Variants in KDM4C observed in about 807,000 individuals in gnomAD.
KDM4C encodes the protein lysine demethylase 4C, also known as lysine-specific demethylase 4C.
In KDM4C, 81 loss-of-function variants were observed where a neutral mutation model predicts 129.3. That is an observed-to-expected ratio of 0.63 (90% CI 0.52 to 0.75). The LOEUF (loss-of-function observed/expected upper bound fraction) is 0.75, where lower values mean the gene tolerates loss of function less well. KDM4C is among the 30% of genes least tolerant of loss of function. The pLI is 0.00. For missense variants in KDM4C, 1,457 were observed against 1,304.0 expected (o/e 1.12, Z -1.81); for synonymous variants, 573 against 456.1 (o/e 1.26, Z -3.26).
chr9:6,730,626 AAAGT>A (rs1432681455), intron 1 of KDM4C, among the ~76,000 whole-genome samples: 2 of 151,924 alleles, frequency 1.3e-5, no homozygotes, highest in Non-Finnish European at 2.9e-5. Flanking sequence ...AAAAAAAAAA[AAAGT>A]AATAATAATA....
intron 17 of KDM4C, among the ~76,000 whole-genome samples, chr9:7,068,139 C>T (rs1198509999): frequency 6.6e-6 from 1 of 152,172 alleles, no homozygotes; most frequent in Admixed American, 6.5e-5. Context: ...TGGGAGGATG[C>T]AGCATTTTAC....
At chr9:6,839,656 C>G (rs1836548354) in intron 4 of KDM4C, among the ~76,000 whole-genome samples, 1 of 152,000 alleles carries the variant, frequency 6.6e-6, no homozygotes, top group Non-Finnish European at 1.5e-5. Flanking sequence ...CCTATAATCT[C>G]AGCACTTTTG....
chr9:6,805,739 T>C lies in KDM4C; in HGVS notation c.285T>C (p.Thr95=). The change falls in exon 3 of 22, where the codon ACT becomes ACC. Residue 95 remains threonine, a synonymous_variant. Transcript: ENST00000381309. ...ACAACATCCAGAAAAAAGCGATGACTGTGAAGGAGTTCAGGCAGCTGGCCA... is the reference window on the plus strand; with the variant it reads ...ACAACATCCAGAAAAAAGCGATGACCGTGAAGGAGTTCAGGCAGCTGGCCA... ...TQYNIQKKAM[T]VKEFRQLANS... is the part of the protein sequence containing the mutation. 1 of 1,613,606 alleles carries C rather than the reference T, an allele frequency of 6.2e-7. No homozygotes were observed. The highest frequency in any genetic ancestry group is 8.5e-7 in the Non-Finnish European group (1 of 1,179,918).
chr9:7,060,289 T>C (rs1303815376), intron 17 of KDM4C, among the ~76,000 whole-genome samples: 1 of 151,646 alleles, frequency 6.6e-6, no homozygotes, highest in African/African-American at 2.4e-5. Flanking sequence ...GCATACTGTC[T>C]GTGTACCTTG....
chr9:7,025,395 A>G (rs547717669), intron 15 of KDM4C, among the ~76,000 whole-genome samples: 1 of 151,978 alleles, frequency 6.6e-6, no homozygotes, highest in Non-Finnish European at 1.5e-5. Context: ...CTGCCATTGT[A>G]TTGTTTGTCT....
upstream of KDM4C, among the ~76,000 whole-genome samples, chr9:6,756,635 C>A (rs7873674): frequency 0.096 from 14,654 of 152,190 alleles, 825 homozygotes; most frequent in Non-Finnish European, 0.11. Flanking sequence ...GAGAATCTCT[C>A]GAACCCGTGA....
At chr9:6,986,283 C>A in intron 10 of KDM4C, 61 bp from the exon 11 acceptor site, 3 of 1,159,350 alleles carry the variant, frequency 2.6e-6, no homozygotes, top group African/African-American at 1.5e-5. Flanking sequence ...AATAGTTTAC[C>A]AATTCTACTT....
chr9:7,064,418 A>G lies in KDM4C; in HGVS notation c.2424+15218A>G, dbSNP rs535332553. 1.1e-3 allele frequency among the ~76,000 whole-genome samples: 164 copies of G among 152,342 alleles called. 1 individual carries two copies. Among genetic ancestry groups the G allele is most frequent in the African/African-American group, 3.8e-3 (157 of 41,592 alleles). ...ATAATGTGGAGTATGGTGGCTCACCATGTTGGCAGCAAGGTCAGTTTCAAT... is the reference window on the plus strand; with the variant it reads ...ATAATGTGGAGTATGGTGGCTCACCGTGTTGGCAGCAAGGTCAGTTTCAAT... On this transcript the variant is annotated intron_variant, in intron 17 of 21. Coordinates refer to ENST00000381309, the MANE Select transcript of KDM4C (RefSeq NM_015061.6).
At chr9:7,155,414 T>C (rs950371900) in intron 19 of KDM4C, among the ~76,000 whole-genome samples, 1 of 152,220 alleles carries the variant, frequency 6.6e-6, no homozygotes, top group Non-Finnish European at 1.5e-5. Flanking sequence ...ATGTGCAGGT[T>C]TGATACATAG....
intron 17 of KDM4C, among the ~76,000 whole-genome samples, chr9:7,055,232 G>A (rs1830711992): frequency 1.3e-5 from 2 of 152,182 alleles, no homozygotes; most frequent in Non-Finnish European, 1.5e-5. Context: ...AAATGCATCC[G>A]TCCTCACAGT....
At chr9:6,991,726 C>G (rs1222203504) in intron 12 of KDM4C, among the ~76,000 whole-genome samples, 3 of 152,134 alleles carry the variant, frequency 2.0e-5, no homozygotes, top group African/African-American at 7.2e-5. Flanking sequence ...TCACTTATGT[C>G]CCATGTTTAG....
At chr9:7,094,953 A>G (rs1302874838) in intron 17 of KDM4C, among the ~76,000 whole-genome samples, 2 of 152,236 alleles carry the variant, frequency 1.3e-5, no homozygotes, top group Admixed American at 6.5e-5. Context: ...GGTGTTCAGA[A>G]AAGGAAGACT....
In KDM4C at chr9:6,927,444, T is replaced by G. The variant is rs184059736; in HGVS notation, c.921+34212T>G. On this transcript the variant is annotated intron_variant, in intron 8 of 21. Transcript: ENST00000381309. ...TGCGCCCAGCCTCTTTTTTCTAACA[T>G]TTATTCCATATAGTAACTGTAGCTT... 1.5e-4 allele frequency among the ~76,000 whole-genome samples: 23 copies of G among 152,328 alleles called. No homozygotes were observed. In the East Asian group the frequency reaches 4.2e-3, roughly 28 times the overall value.
intron 1 of KDM4C, among the ~76,000 whole-genome samples, chr9:6,771,320 T>C (rs1040559610): frequency 5.3e-5 from 8 of 151,900 alleles, no homozygotes; most frequent in Non-Finnish European, 1.0e-4. Context: ...TTTTAATTTA[T>C]TTATTTTTTG....
chr9:7,012,106 T>G (rs1822820816), intron 13 of KDM4C, among the ~76,000 whole-genome samples: 1 of 152,222 alleles, frequency 6.6e-6, no homozygotes, highest in African/African-American at 2.4e-5. Flanking sequence ...TCATGCTCTG[T>G]TGCCCAGGCT....
At chr9:6,866,288 C>A (rs891396364) in intron 5 of KDM4C, among the ~76,000 whole-genome samples, 5 of 151,338 alleles carry the variant, frequency 3.3e-5, no homozygotes, top group African/African-American at 1.2e-4. Context: ...TCTTTCTTTT[C>A]TTTTCTTTTT....
At chr9:6,816,804 T>TAGTGAA (rs1180577447) in intron 4 of KDM4C, among the ~76,000 whole-genome samples, 1 of 152,134 alleles carries the variant, frequency 6.6e-6, no homozygotes, top group Non-Finnish European at 1.5e-5. Context: ...ATTTCCCCTT[T>TAGTGAA]AGTGAAGTCT....
At chr9:7,121,821 G>A (rs1324604945) in intron 18 of KDM4C, among the ~76,000 whole-genome samples, 3 of 151,244 alleles carry the variant, frequency 2.0e-5, no homozygotes, top group Admixed American at 6.6e-5. Context: ...AAAAAAAAAA[G>A]GAAATGTAAT....
intron 12 of KDM4C, among the ~76,000 whole-genome samples, chr9:6,998,792 G>T (rs1005407151): frequency 7.1e-6 from 1 of 139,992 alleles, no homozygotes; most frequent in African/African-American, 2.6e-5. Flanking sequence ...CAGGACTCTG[G>T]TTCCAAAAAA....
Sources: allele counts gnomAD v4.1 joint callset (sites outside exome capture counted in the v4.1 genomes callset), GRCh38; gene constraint gnomAD v4.1.1; transcripts MANE v1.5; gene names NCBI Gene and HGNC (gene_info 2026-07-23, HGNC 2026-07-21).